Variants in ADAMTS16 observed in about 807,000 individuals in gnomAD.
The protein encoded by ADAMTS16 is ADAM metallopeptidase with thrombospondin type 1 motif 16.
A neutral mutation model predicts 145.8 loss-of-function variants in ADAMTS16; 94 were observed. That is an observed-to-expected ratio of 0.64 (90% CI 0.55 to 0.77). ADAMTS16 has a LOEUF of 0.77. ADAMTS16 is among the 30% of genes least tolerant of loss of function. The pLI, the probability that ADAMTS16 is intolerant of heterozygous loss-of-function variation, is 0.00. For missense variants in ADAMTS16, 1,585 were observed against 1,591.5 expected, an observed-to-expected ratio of 1.00 and a Z score of 0.07; for synonymous variants, 659 against 604.3, an observed-to-expected ratio of 1.09 and a Z score of -1.33.
chr5:5,141,098 C>G (rs1401395738), intron 2 of ADAMTS16, among the ~76,000 whole-genome samples: 1 of 152,198 alleles, frequency 6.6e-6, no homozygotes. Context: ...TCATAAAGAG[C>G]AAATTACTTT....
rs181033176 is a variant in ADAMTS16 at position 5,229,477 on chromosome 5, C to T, written c.1702-2891C>T. On this transcript the variant is annotated intron_variant, in intron 11 of 22. Transcript: ENST00000274181. ...TGTACTCTGGTGGCAAAACTGCTGG[C>T]GTGTATACCCTTTCTGCAGAAAGTA... 1.6e-4 allele frequency among the ~76,000 whole-genome samples: 25 copies of T among 152,166 alleles called. No individual in the cohort carries two copies. The East Asian group carries it at 2.1e-3, about 13-fold the overall frequency.
At chr5:5,236,914 G>A in intron 13 of ADAMTS16, 55 bp from the exon 14 acceptor site, 4 of 1,535,988 alleles carry the variant, frequency 2.6e-6, no homozygotes, top group Non-Finnish European at 3.5e-6. Flanking sequence ...GAGCAAAAAT[G>A]ATCAGAGCTT....
chr5:5,190,911 T>C (rs184783341), intron 7 of ADAMTS16, among the ~76,000 whole-genome samples: 1 of 152,062 alleles, frequency 6.6e-6, no homozygotes, highest in African/African-American at 2.4e-5. Flanking sequence ...TGTGCCTAAA[T>C]TGTGTGTACA....
At chr5:5,195,318 T>A (rs77322656) in intron 8 of ADAMTS16, among the ~76,000 whole-genome samples, 1 of 152,220 alleles carries the variant, frequency 6.6e-6, no homozygotes, top group African/African-American at 2.4e-5. Context: ...TTGGCACAGA[T>A]GCACCAAGGG....
chr5:5,178,248 T>C (rs1393519145), intron 3 of ADAMTS16, among the ~76,000 whole-genome samples: 1 of 152,222 alleles, frequency 6.6e-6, no homozygotes, highest in Non-Finnish European at 1.5e-5. Context: ...ATTTCCAGAA[T>C]TGGTCATGAG....
At chr5:5,226,063 C>G (rs988726354) in intron 11 of ADAMTS16, among the ~76,000 whole-genome samples, 1 of 152,182 alleles carries the variant, frequency 6.6e-6, no homozygotes, top group African/African-American at 2.4e-5. Context: ...CTTCGCATCT[C>G]TCTATTTAGA....
intron 3 of ADAMTS16, among the ~76,000 whole-genome samples, chr5:5,153,519 G>A (rs953716686): frequency 2.0e-5 from 3 of 152,114 alleles, no homozygotes; most frequent in Non-Finnish European, 4.4e-5. Context: ...CACTTCATCT[G>A]ATTTCTTGCT....
intron 12 of ADAMTS16, among the ~76,000 whole-genome samples, chr5:5,233,572 A>G (rs978056491): frequency 2.0e-5 from 3 of 152,176 alleles, no homozygotes; most frequent in Non-Finnish European, 2.9e-5. Flanking sequence ...GCTCTCACTT[A>G]TAAGTGAGAA....
chr5:5,283,050 T>C (rs1738980340), intron 18 of ADAMTS16, among the ~76,000 whole-genome samples: 1 of 152,120 alleles, frequency 6.6e-6, no homozygotes, highest in Admixed American at 6.6e-5. Flanking sequence ...CAAACAATAA[T>C]CATATATTTT....
chr5:5,279,906 TTTTCTTTC>T (rs137998692), intron 18 of ADAMTS16, among the ~76,000 whole-genome samples: 44 of 142,976 alleles, frequency 3.1e-4, no homozygotes, highest in Admixed American at 4.9e-4. Context: ...CTTTCTTTTC[TTTTCTTTC>T]TTTATTTCTC....
chr5:5,232,881 G>A (rs1736978426), intron 12 of ADAMTS16, among the ~76,000 whole-genome samples: 1 of 152,102 alleles, frequency 6.6e-6, no homozygotes, highest in African/African-American at 2.4e-5. Flanking sequence ...GGGATTACAG[G>A]TATGAGCCAT....
rs72647762 is a variant in ADAMTS16, at chr5:5,306,694, C to G, written c.3377C>G (p.Ser1126Trp). The G allele has an allele frequency of 2.2e-5, 35 of 1,612,862 alleles. No homozygotes were observed. Among genetic ancestry groups the G allele is most frequent in the South Asian group, 9.9e-5 (9 of 90,984 alleles). ...RHPPFAAAGP[S>W]RGSWFASPWS... ...CCCCCATTTGCTGCTGCGGGACCCT[C>G]GAGGGGCAGCTGGTTTGCCTCACCC... The change falls in exon 21 of 23, where the codon TCG becomes TGG. Residue 1126 changes from serine (S) to tryptophan (W), a missense_variant. Physicochemically the swap from Ser to Trp is radical, Grantham distance 177. Coordinates refer to ENST00000274181, the MANE Select transcript of ADAMTS16 (RefSeq NM_139056.4).
chr5:5,252,062 G>A (rs1288799355), intron 17 of ADAMTS16, among the ~76,000 whole-genome samples: 1 of 152,144 alleles, frequency 6.6e-6, no homozygotes, highest in Non-Finnish European at 1.5e-5. Context: ...TGTTAGCCAG[G>A]ATGGTCTTGA....
intron 17 of ADAMTS16, among the ~76,000 whole-genome samples, chr5:5,245,974 C>G (rs1737428022): frequency 6.6e-6 from 1 of 152,174 alleles, no homozygotes; most frequent in Admixed American, 6.5e-5. Flanking sequence ...ACATAAAACT[C>G]AAATAGGGAA....
rs188560746 is a variant in ADAMTS16 at position 5,163,835 on chromosome 5, C to A, written c.501+17380C>A. Among the ~76,000 whole-genome samples, 209 of 152,232 alleles carry A rather than the reference C, an allele frequency of 1.4e-3. 2 individuals carry two copies. In the Middle Eastern group the frequency reaches 0.017, roughly 12 times the overall value. ...CAGTCCTTTGGATATGTGGTGGACA[C>A]CCCACAACACCATGCTTTCCTGCAG... On this transcript the variant is annotated intron_variant, in intron 3 of 22. Transcript: ENST00000274181.
In ADAMTS16 at chr5:5,187,747, G is replaced by C. The variant is rs371621693; in HGVS notation, c.986G>C (p.Gly329Ala). ...LNMVSALFKD[G>A]TIGGNINIAI... ...CAGGTATCTGCTTTATTCAAAGATGGAACAATAGGAGGAAACATCAACATT... is the reference window on the plus strand; with the variant it reads ...CAGGTATCTGCTTTATTCAAAGATGCAACAATAGGAGGAAACATCAACATT... Residue 329 changes from glycine (G) to alanine (A), a missense_variant, in exon 6 of 23, where the codon GGA (glycine) becomes GCA (alanine). Coordinates refer to ENST00000274181, the MANE Select transcript of ADAMTS16 (RefSeq NM_139056.4). The C allele has an allele frequency of 2.5e-6, 4 of 1,612,368 alleles. No homozygotes were observed. Among genetic ancestry groups the C allele is most frequent in the East Asian group, 4.5e-5 (2 of 44,846 alleles).
chr5:5,156,593 C>A (rs536852807), intron 3 of ADAMTS16, among the ~76,000 whole-genome samples: 1 of 152,162 alleles, frequency 6.6e-6, no homozygotes, highest in African/African-American at 2.4e-5. Flanking sequence ...CATTCCTCCC[C>A]CATGGTAGGC....
At chr5:5,302,570 G>C (rs1739829566) in intron 18 of ADAMTS16, among the ~76,000 whole-genome samples, 1 of 152,164 alleles carries the variant, frequency 6.6e-6, no homozygotes. Context: ...GTAAGGGAAA[G>C]ATCCGGTTTC....
At chr5:5,261,282 T>G (rs1271990997) in intron 17 of ADAMTS16, among the ~76,000 whole-genome samples, 1 of 151,542 alleles carries the variant, frequency 6.6e-6, no homozygotes, top group East Asian at 2.0e-4. Context: ...GGACTACAGG[T>G]GCATGCCGCC....
Sources: gnomAD v4.1 joint callset for allele counts (sites outside exome capture counted in the v4.1 genomes callset) on GRCh38, gnomAD v4.1.1 for gene constraint, MANE v1.5 for transcripts, NCBI Gene and HGNC (gene_info 2026-07-23, HGNC 2026-07-21) for gene names.